Variants in FAM13B observed in about 807,000 individuals in gnomAD.
FAM13B encodes the protein family with sequence similarity 13 member B, also known as protein FAM13B.
Under a neutral mutation model 117.3 loss-of-function variants are expected in FAM13B, and 60 were observed. The observed-to-expected ratio is 0.51, with a 90% confidence interval of 0.42 to 0.63. The LOEUF (loss-of-function observed/expected upper bound fraction) is 0.63, where lower values mean the gene tolerates loss of function less well. Among genes scored for constraint, FAM13B ranks in the 30% least tolerant of loss-of-function variants. The pLI, the probability that FAM13B is intolerant of heterozygous loss-of-function variation, is 0.00. For synonymous variants in FAM13B, 332 were observed against 356.1 expected (o/e 0.93, Z 0.76); for missense variants, 972 against 1,091.9 (o/e 0.89, Z 1.55).
chr5:137,951,209 C>CAA (rs1158310740), intron 17 of FAM13B, among the ~76,000 whole-genome samples: 25,540 of 63,722 alleles, frequency 0.4, 5,351 homozygotes, highest in Middle Eastern at 0.52. Context: ...CTGTCTCAAA[C>CAA]AAAAAAAAAA....
At chr5:137,956,756 A>AGGG (rs1561746512) in intron 13 of FAM13B, among the ~76,000 whole-genome samples, 5 of 131,014 alleles carry the variant, frequency 3.8e-5, no homozygotes, top group African/African-American at 1.4e-4. Flanking sequence ...CAATGCAAAA[A>AGGG]AGGGGGGGGA....
chr5:138,012,090 C>T, intron 4 of FAM13B, 145 bp from the exon 5 acceptor site: 1 of 547,080 alleles, frequency 1.8e-6, no homozygotes, highest in Non-Finnish European at 3.1e-6. Context: ...GGCCAAATGC[C>T]TTAGGGCTTT....
intron 12 of FAM13B, 66 bp downstream of exon 12, chr5:137,960,100 A>T: frequency 1.0e-6 from 1 of 961,838 alleles, no homozygotes; most frequent in East Asian, 2.5e-5. Context: ...CCCACATTAA[A>T]GACCAGACAT....
At chr5:137,956,751 CA>C (rs1423456223) in intron 13 of FAM13B, among the ~76,000 whole-genome samples, 1 of 133,186 alleles carries the variant, frequency 7.5e-6, no homozygotes, top group Non-Finnish European at 1.6e-5. Flanking sequence ...GCAAGCAATG[CA>C]AAAAAGGGGG....
At chr5:138,000,112 T>C (rs547447583) in intron 7 of FAM13B, among the ~76,000 whole-genome samples, 2 of 152,340 alleles carry the variant, frequency 1.3e-5, no homozygotes, top group East Asian at 3.9e-4. Context: ...AGGTTTATTG[T>C]TACTTTAAAA....
intron 1 of FAM13B, among the ~76,000 whole-genome samples, chr5:138,047,947 A>T (rs930673165): frequency 1.3e-5 from 2 of 152,364 alleles, no homozygotes; most frequent in East Asian, 3.9e-4. Flanking sequence ...TTTTTAAAAA[A>T]TTTTAAATAA....
rs896424530 is a variant in FAM13B, at chr5:138,020,038, G to A, written c.-35-892C>T. ...TTCTGGACATCAACTTTCAATAAGAGATGTCCTTTTATCAACACTGTTATT... is the reference window on the plus strand; with the variant it reads ...TTCTGGACATCAACTTTCAATAAGAAATGTCCTTTTATCAACACTGTTATT... On this transcript the variant is annotated intron_variant, in intron 2 of 23. Transcript: ENST00000689681. 7.3e-6 allele frequency: 7 copies of A among 956,646 alleles called. No homozygotes were observed. The African/African-American group carries it at 1.2e-4, about 17-fold the overall frequency. 59.3% of individuals were successfully genotyped at this position (956,646 alleles called of 1,614,324 possible).
chr5:137,959,712 G>A lies in FAM13B; in HGVS notation c.1345C>T (p.Pro449Ser). ...TGAACACCAACACTCTGACCTCCTG[G>A]TACTTCTGATTCAGTGTTGGCATTC... Reference protein sequence around the residue: ...DLNANTESEVPGGQSVGVQGE... With the variant: ...DLNANTESEVSGGQSVGVQGE... Residue 449 changes from proline (P) to serine (S), a missense_variant, in exon 13 of 24, where the codon CCA becomes TCA. Pro to Ser is a moderately conservative substitution (Grantham distance 74). Coordinates refer to ENST00000689681, the MANE Select transcript of FAM13B (RefSeq NM_001385994.1). The A allele has an allele frequency of 6.2e-7, 1 of 1,613,796 alleles. No individual in the cohort carries two copies. Among genetic ancestry groups the A allele is most frequent in the Non-Finnish European group, 8.5e-7 (1 of 1,179,790 alleles).
Position 137,954,163 on chromosome 5 carries a change from T to C in FAM13B, c.1718+3A>G, listed in dbSNP as rs1453082034. ...CTCTTGTAAGTACATAAAAATCATA[T>C]ACCTAGTAAAAGACAGTGCTTTAGA... On this transcript the variant is annotated splice_donor_region_variant and intron_variant, in intron 15 of 23. Transcript: ENST00000689681. 3 of 1,609,642 alleles carry C rather than the reference T, an allele frequency of 1.9e-6. No individual in the cohort carries two copies. The highest frequency in any genetic ancestry group is 2.7e-5 in the African/African-American group (2 of 74,574).
intron 12 of FAM13B, 67 bp from the exon 13 acceptor site, chr5:137,959,830 C>G: frequency 6.8e-7 from 1 of 1,473,918 alleles, no homozygotes; most frequent in Non-Finnish European, 9.4e-7. Context: ...TTAAACACAT[C>G]CAGCACATAT....
intron 1 of FAM13B, among the ~76,000 whole-genome samples, chr5:138,023,580 G>C (rs942101582): frequency 1.3e-5 from 2 of 152,048 alleles, no homozygotes; most frequent in African/African-American, 4.8e-5. Context: ...GCTCAAACTG[G>C]CCATAGTCTT....
intron 10 of FAM13B, among the ~76,000 whole-genome samples, chr5:137,963,427 T>C (rs1032689315): frequency 6.6e-6 from 1 of 152,266 alleles, no homozygotes; most frequent in Non-Finnish European, 1.5e-5. Flanking sequence ...ACCTTACTTA[T>C]GTTACCATAA....
chr5:137,939,185 T>C lies in FAM13B; in HGVS notation c.*1040A>G, dbSNP rs1760960635. ...GTGGTCCCTTAAGAGGGCGTTGTTGTCGTTGTTTTGGTATGGATTTTGCTG... is the reference window on the plus strand; with the variant it reads ...GTGGTCCCTTAAGAGGGCGTTGTTGCCGTTGTTTTGGTATGGATTTTGCTG... On this transcript the variant is annotated 3_prime_UTR_variant, in exon 24 of 24. Transcript: ENST00000689681. 6.6e-6 allele frequency: 1 copy of C among 152,338 alleles called. No homozygotes were observed. The highest frequency in any genetic ancestry group is 1.5e-5 in the Non-Finnish European group (1 of 68,028). 9.4% of individuals were successfully genotyped at this position (152,338 alleles called of 1,614,324 possible). A position where few individuals can be genotyped will look rare whatever the true frequency, so the allele number is the denominator to read the frequency against.
intron 16 of FAM13B, among the ~76,000 whole-genome samples, chr5:137,953,001 A>G (rs1765464623): frequency 6.6e-6 from 1 of 152,168 alleles, no homozygotes; most frequent in African/African-American, 2.4e-5. Context: ...CATCCCTCAC[A>G]AACTCCCTCT....
intron 18 of FAM13B, among the ~76,000 whole-genome samples, chr5:137,948,197 AT>A (rs1763962426): frequency 6.6e-6 from 1 of 151,430 alleles, no homozygotes; most frequent in Non-Finnish European, 1.5e-5. Flanking sequence ...AAAAAAAATC[AT>A]TTAATCCTCA....
At chr5:138,009,077 T>C (rs975710928) in intron 6 of FAM13B, among the ~76,000 whole-genome samples, 3 of 152,118 alleles carry the variant, frequency 2.0e-5, no homozygotes. Context: ...GAGGCAGAGG[T>C]TGCAGTGAGC....
intron 1 of FAM13B, among the ~76,000 whole-genome samples, chr5:138,042,563 A>C (rs1363507739): frequency 6.6e-6 from 1 of 152,180 alleles, no homozygotes; most frequent in African/African-American, 2.4e-5. Flanking sequence ...TTGAAATTAA[A>C]TATAACAGTG....
chr5:137,952,195 A>C (rs952222035), intron 17 of FAM13B, among the ~76,000 whole-genome samples: 3 of 152,208 alleles, frequency 2.0e-5, no homozygotes, highest in Admixed American at 2.0e-4. Flanking sequence ...CAAGAGTTAC[A>C]ATTTAGTCTT....
At chr5:137,975,788 C>A (rs887383550) in intron 10 of FAM13B, among the ~76,000 whole-genome samples, 2 of 151,994 alleles carry the variant, frequency 1.3e-5, no homozygotes, top group Non-Finnish European at 1.5e-5. Context: ...CTCCCAACCC[C>A]CTCTATGCAG....
Sources: allele counts gnomAD v4.1 joint callset (sites outside exome capture counted in the v4.1 genomes callset), GRCh38; gene constraint gnomAD v4.1.1; transcripts MANE v1.5; gene names NCBI Gene and HGNC (gene_info 2026-07-23, HGNC 2026-07-21).